The following ADAM22 variants were observed in gnomAD, a reference collection of about 807,000 sequenced individuals.
The protein encoded by ADAM22 is ADAM metallopeptidase domain 22, also known as disintegrin and metalloproteinase domain-containing protein 22.
In ADAM22, 65 loss-of-function variants were observed where a neutral mutation model predicts 144.6. The ratio of observed to expected loss-of-function variants is 0.45; its 90% CI spans 0.37 to 0.55. ADAM22 has a LOEUF of 0.55. Ranked by LOEUF, ADAM22 falls within the 20% of genes least tolerant of loss-of-function variation. The probability of loss-of-function intolerance (pLI) is 0.00; values close to 1 mark genes in which losing one functional copy is unlikely to be tolerated. For synonymous variants in ADAM22, 391 were observed against 412.6 expected, an observed-to-expected ratio of 0.95 and a Z score of 0.63; for missense variants, 974 against 1,184.9, an observed-to-expected ratio of 0.82 and a Z score of 2.61.
chr7:87,998,018 G>A (rs1410963353), intron 3 of ADAM22, among the ~76,000 whole-genome samples: 2 of 152,198 alleles, frequency 1.3e-5, no homozygotes, highest in African/African-American at 2.4e-5. Context: ...AGAGCCCCTG[G>A]CAAACCACTG....
At chr7:88,162,252 A>G (rs1272780978) in intron 22 of ADAM22, among the ~76,000 whole-genome samples, 1 of 151,996 alleles carries the variant, frequency 6.6e-6, no homozygotes, top group Non-Finnish European at 1.5e-5. Flanking sequence ...CAAATACCAC[A>G]TGTTCTCACT....
chr7:88,048,743 A>G (rs559677863), intron 3 of ADAM22, among the ~76,000 whole-genome samples: 1 of 152,224 alleles, frequency 6.6e-6, no homozygotes, highest in Non-Finnish European at 1.5e-5. Flanking sequence ...ACAGGAAAAT[A>G]TATAATAAAT....
At chr7:88,048,848 C>T (rs1805411045) in intron 3 of ADAM22, among the ~76,000 whole-genome samples, 1 of 152,140 alleles carries the variant, frequency 6.6e-6, no homozygotes, top group Non-Finnish European at 1.5e-5. Context: ...TTTTCTCTCC[C>T]TACCTCCCAG....
chr7:88,133,696 G>T (rs530707804), intron 12 of ADAM22, among the ~76,000 whole-genome samples: 12 of 152,168 alleles, frequency 7.9e-5, no homozygotes, highest in African/African-American at 2.9e-4. Flanking sequence ...TAACAGATTT[G>T]GGGATAAGAA....
chr7:88,058,382 G>A (rs577660322), intron 3 of ADAM22, among the ~76,000 whole-genome samples: 1 of 152,298 alleles, frequency 6.6e-6, no homozygotes, highest in African/African-American at 2.4e-5. Flanking sequence ...ACATATGGAA[G>A]AAAAGCGAAG....
At chr7:88,148,075 A>G (rs180823402) in intron 17 of ADAM22, among the ~76,000 whole-genome samples, 6 of 152,280 alleles carry the variant, frequency 3.9e-5, no homozygotes, top group Admixed American at 3.3e-4. Context: ...ATTGGAGTTT[A>G]TAGTGGGCAG....
At chr7:88,121,137 C>T (rs1183269032) in intron 7 of ADAM22, among the ~76,000 whole-genome samples, 1 of 152,072 alleles carries the variant, frequency 6.6e-6, no homozygotes, top group Non-Finnish European at 1.5e-5. Flanking sequence ...CTTTGTTTTG[C>T]TTACTGTGGC....
At chr7:88,016,199 G>A in intron 3 of ADAM22, among the ~76,000 whole-genome samples, 1 of 152,078 alleles carries the variant, frequency 6.6e-6, no homozygotes, top group Non-Finnish European at 1.5e-5. Context: ...ATTGAAGTTT[G>A]AAAGTCACTT....
intron 17 of ADAM22, among the ~76,000 whole-genome samples, chr7:88,147,800 A>G (rs1319159530): frequency 6.6e-6 from 1 of 152,152 alleles, no homozygotes; most frequent in Non-Finnish European, 1.5e-5. Context: ...AAATTTGCTC[A>G]TATTTCTACC....
At chr7:88,137,135 A>G (rs1317202435) in intron 14 of ADAM22, among the ~76,000 whole-genome samples, 6 of 152,090 alleles carry the variant, frequency 3.9e-5, no homozygotes. Flanking sequence ...AAAACATAGC[A>G]TTTGGTTTGC....
At chr7:87,942,581 A>G (rs1842689519) in intron 2 of ADAM22, among the ~76,000 whole-genome samples, 1 of 152,224 alleles carries the variant, frequency 6.6e-6, no homozygotes, top group African/African-American at 2.4e-5. Flanking sequence ...AAAAATATAT[A>G]CATTTTAAAG....
chr7:88,024,468 G>C (rs1333898925), intron 3 of ADAM22, among the ~76,000 whole-genome samples: 2 of 151,930 alleles, frequency 1.3e-5, no homozygotes, highest in African/African-American at 4.8e-5. Flanking sequence ...TCATATGCCT[G>C]TTTGCCATTT....
intron 2 of ADAM22, among the ~76,000 whole-genome samples, chr7:87,971,253 A>G (rs1024445705): frequency 2.6e-5 from 4 of 152,270 alleles, no homozygotes; most frequent in Admixed American, 6.5e-5. Context: ...GAGTATTTTC[A>G]TGATACTGAA....
intron 22 of ADAM22, among the ~76,000 whole-genome samples, chr7:88,160,589 G>A (rs1586337331): frequency 6.6e-6 from 1 of 152,072 alleles, no homozygotes; most frequent in African/African-American, 2.4e-5. Context: ...CGATGAAGCT[G>A]ACAAAAACAA....
rs772409989 is a variant in ADAM22 at position 88,196,538 on chromosome 7, T to A, written c.*47T>A. Reference sequence around the variant, plus strand: ...ACATCGAAAACTGTTTACTTCAACTTTTATAGAAACCCAGGCTCATGGAAT... The same window carrying A: ...ACATCGAAAACTGTTTACTTCAACTATTATAGAAACCCAGGCTCATGGAAT... On this transcript the variant is annotated 3_prime_UTR_variant, in exon 32 of 32. Transcript: ENST00000413139. 1.9e-6 allele frequency: 3 copies of A among 1,601,360 alleles called. No individual in the cohort carries two copies. The South Asian group carries it at 3.3e-5, about 18-fold the overall frequency.
chr7:88,165,566 C>T (rs998945944), intron 23 of ADAM22, among the ~76,000 whole-genome samples: 6 of 151,028 alleles, frequency 4.0e-5, no homozygotes, highest in African/African-American at 1.2e-4. Context: ...AAAGTCAAAA[C>T]AATAATTTCT....
chr7:88,013,703 G>A (rs1265818352), intron 3 of ADAM22, among the ~76,000 whole-genome samples: 1 of 152,178 alleles, frequency 6.6e-6, no homozygotes, highest in Non-Finnish European at 1.5e-5. Flanking sequence ...TGGGATTACA[G>A]GCGTGAGCCA....
At chr7:88,023,659 G>C (rs1798325514) in intron 3 of ADAM22, among the ~76,000 whole-genome samples, 1 of 152,030 alleles carries the variant, frequency 6.6e-6, no homozygotes, top group Admixed American at 6.6e-5. Flanking sequence ...GCCTACCTCA[G>C]CCTCCCAAAG....
chr7:88,120,729 T>C (rs2129492963), intron 7 of ADAM22, among the ~76,000 whole-genome samples: 2 of 152,342 alleles, frequency 1.3e-5, no homozygotes, highest in Middle Eastern at 6.8e-3. Context: ...TTTGGCTTGC[T>C]CATTTACTTA....
Sources: gnomAD v4.1 joint callset for allele counts (sites outside exome capture counted in the v4.1 genomes callset) on GRCh38, gnomAD v4.1.1 for gene constraint, MANE v1.5 for transcripts, NCBI Gene and HGNC (gene_info 2026-07-23, HGNC 2026-07-21) for gene names.